Variants in TULP4 observed in about 807,000 individuals in gnomAD.
TULP4 encodes the protein tubby-related protein 4.
In TULP4, 16 loss-of-function variants were observed where a neutral mutation model predicts 129.0. The ratio of observed to expected loss-of-function variants is 0.12; its 90% CI spans 0.08 to 0.19. The LOEUF (loss-of-function observed/expected upper bound fraction) is 0.19. TULP4 is among the 10% of genes least tolerant of loss of function. TULP4 has a pLI of 1.00. For missense variants in TULP4, 1,842 were observed against 2,059.1 expected (o/e 0.89, Z 2.04); for synonymous variants, 998 against 854.0 (o/e 1.17, Z -2.94).
intron 6 of TULP4, among the ~76,000 whole-genome samples, chr6:158,466,981 G>A (rs1468495080): frequency 6.6e-6 from 1 of 152,150 alleles, no homozygotes; most frequent in African/African-American, 2.4e-5. Flanking sequence ...CCTAAGGAAA[G>A]AGGCCTGTAT....
At chr6:158,435,884 T>G (rs1165267554) in intron 3 of TULP4, among the ~76,000 whole-genome samples, 3 of 152,126 alleles carry the variant, frequency 2.0e-5, no homozygotes, top group African/African-American at 7.2e-5. Flanking sequence ...GCTCATCGTT[T>G]GTGCCCTCAA....
chr6:158,293,847 T>C (rs827868), intron 1 of TULP4, among the ~76,000 whole-genome samples: 20,260 of 152,214 alleles, frequency 0.13, 1,715 homozygotes, highest in African/African-American at 0.23. Context: ...TTTGCAGGGA[T>C]GTTAGTTTCT....
intron 1 of TULP4, among the ~76,000 whole-genome samples, chr6:158,264,054 C>T (rs945799738): frequency 6.6e-6 from 1 of 152,060 alleles, no homozygotes; most frequent in African/African-American, 2.4e-5. Flanking sequence ...TAGAGTGAGA[C>T]TCTGTCTCAA....
At chr6:158,285,379 T>C (rs1778818726) in intron 1 of TULP4, among the ~76,000 whole-genome samples, 1 of 152,164 alleles carries the variant, frequency 6.6e-6, no homozygotes, top group Admixed American at 6.5e-5. Context: ...AGAATATTTC[T>C]GTCCAAAAAG....
Position 158,449,148 on chromosome 6 carries a change from G to A in TULP4, c.696G>A (p.Thr232=), listed in dbSNP as rs370991074. The part of the protein sequence containing the change: ...FLVEDSSESD[T]DSDDYAPPQD... ...TGGAGGACAGCAGCGAGAGCGACAC[G>A]GACTCAGATGACTACGCCCCTCCCC... Residue 232 remains threonine (T), a synonymous_variant, in exon 4 of 14, where the codon ACG becomes ACA. Transcript: ENST00000367097. 1.2e-4 allele frequency: 196 copies of A among 1,613,478 alleles called. No homozygotes were observed. The highest frequency in any genetic ancestry group is 1.6e-4 in the Non-Finnish European group (185 of 1,179,862).
At chr6:158,394,503 G>A (rs1183563351) in intron 1 of TULP4, among the ~76,000 whole-genome samples, 1 of 152,030 alleles carries the variant, frequency 6.6e-6, no homozygotes, top group African/African-American at 2.4e-5. Flanking sequence ...TACCTGCATG[G>A]CTGGGCGCGG....
At chr6:158,241,076 G>A (rs541216482) in intron 1 of TULP4, among the ~76,000 whole-genome samples, 8 of 138,724 alleles carry the variant, frequency 5.8e-5, no homozygotes, top group South Asian at 2.4e-4. Flanking sequence ...ACGGGGTCTC[G>A]GCCGGGCAGA....
intron 1 of TULP4, among the ~76,000 whole-genome samples, chr6:158,377,571 T>C (rs1298900738): frequency 6.6e-6 from 1 of 152,214 alleles, no homozygotes; most frequent in Non-Finnish European, 1.5e-5. Context: ...AACACATACA[T>C]TGAGGCTCTA....
rs572389668 is a variant in TULP4 at position 158,462,732 on chromosome 6, A to G, written c.1026+1003A>G. 3.7e-5 allele frequency among the ~76,000 whole-genome samples: 5 copies of G among 135,424 alleles called. No homozygotes were observed. The South Asian group carries it at 7.2e-4, about 20-fold the overall frequency. 88.8% of individuals were successfully genotyped at this position (135,424 alleles called of 152,430 possible). On this transcript the variant is annotated intron_variant, in intron 6 of 13. Transcript: ENST00000367097. ...AGGGTAACTCTTCAGAGTTTACCCTATGTCTTTTTTTTTCCTTTTTTTTTT... is the reference window on the plus strand; with the variant it reads ...AGGGTAACTCTTCAGAGTTTACCCTGTGTCTTTTTTTTTCCTTTTTTTTTT...
chr6:158,239,565 G>A (rs1298372068), intron 1 of TULP4, among the ~76,000 whole-genome samples: 2 of 53,922 alleles, frequency 3.7e-5, no homozygotes, highest in Admixed American at 1.8e-4. Flanking sequence ...CCTCCCGGAC[G>A]GGGCGGCTGG....
chr6:158,262,394 C>G (rs1778368898), intron 1 of TULP4, among the ~76,000 whole-genome samples: 1 of 152,032 alleles, frequency 6.6e-6, no homozygotes, highest in Admixed American at 6.6e-5. Flanking sequence ...CTGAGTGCTC[C>G]CTGGGAGAGC....
intron 1 of TULP4, among the ~76,000 whole-genome samples, chr6:158,345,506 G>T (rs954409459): frequency 6.6e-6 from 1 of 152,242 alleles, no homozygotes; most frequent in African/African-American, 2.4e-5. Context: ...TGGGCCGCCA[G>T]GCGTGACATC....
chr6:158,355,985 G>C lies in TULP4; in HGVS notation c.252+41717G>C, dbSNP rs748461388. Among the ~76,000 whole-genome samples the C allele has an allele frequency of 2.6e-5, 4 of 152,194 alleles. No homozygotes were observed. In the East Asian group the frequency reaches 7.7e-4, roughly 29 times the overall value. On this transcript the variant is annotated intron_variant, in intron 1 of 13. Coordinates refer to ENST00000367097, the MANE Select transcript of TULP4 (RefSeq NM_020245.5). ...GATTGCCTGGGGCCACTGAGTGGTAGAGGTACAAGAAGATTTTTGGGGTGA... is the reference window on the plus strand; with the variant it reads ...GATTGCCTGGGGCCACTGAGTGGTACAGGTACAAGAAGATTTTTGGGGTGA...
rs1426526815 is a variant in TULP4, at chr6:158,498,682, C to T, written c.1884C>T (p.Thr628=). The stretch of plus-strand genomic sequence containing the variant: ...TTTCCCCACCAGTAATCTATAAAAC[C>T]AGCCTCCTGCATCTCCAGCCGCGGC... ...PTNLGAVIYK[T]SLLHLQPRQM... Residue 628 remains threonine (T), a synonymous_variant, in exon 12 of 14, where the codon ACC becomes ACT. Transcript: ENST00000367097. 2.5e-6 allele frequency: 4 copies of T among 1,614,176 alleles called. No individual in the cohort carries two copies. In the African/African-American group the frequency reaches 4.0e-5, roughly 16 times the overall value.
intron 10 of TULP4, among the ~76,000 whole-genome samples, chr6:158,494,123 C>T (rs532916995): frequency 6.6e-6 from 1 of 152,332 alleles, no homozygotes; most frequent in East Asian, 1.9e-4. Flanking sequence ...CCCATGCTTC[C>T]AGATGGAACT....
At chr6:158,339,693 G>A (rs989693515) in intron 1 of TULP4, among the ~76,000 whole-genome samples, 7 of 151,996 alleles carry the variant, frequency 4.6e-5, no homozygotes, top group African/African-American at 9.7e-5. Flanking sequence ...TGTCCTGTGC[G>A]GCCCACAGGC....
At chr6:158,506,338 T>C (rs908002511) in intron 13 of TULP4, among the ~76,000 whole-genome samples, 2 of 143,318 alleles carry the variant, frequency 1.4e-5, no homozygotes, top group African/African-American at 5.2e-5. Context: ...TTTACACCAT[T>C]CTCCTGCCTC....
At chr6:158,399,455 AACTGGAGT>A (rs1462215296) in intron 1 of TULP4, among the ~76,000 whole-genome samples, 1 of 152,202 alleles carries the variant, frequency 6.6e-6, no homozygotes, top group Admixed American at 6.5e-5. Flanking sequence ...GATTCACTGG[AACTGGAGT>A]AGAGCCTGAA....
chr6:158,329,338 C>T (rs1209514445), intron 1 of TULP4, among the ~76,000 whole-genome samples: 1 of 151,918 alleles, frequency 6.6e-6, no homozygotes, highest in Non-Finnish European at 1.5e-5. Context: ...TCTTTTTCCT[C>T]CCTGTATATA....
Sources: gnomAD v4.1 joint callset for allele counts (sites outside exome capture counted in the v4.1 genomes callset) on GRCh38, gnomAD v4.1.1 for gene constraint, MANE v1.5 for transcripts, NCBI Gene and HGNC (gene_info 2026-07-23, HGNC 2026-07-21) for gene names.